The following PPARGC1A variants were observed in gnomAD, a reference collection of about 807,000 sequenced individuals.
PPARGC1A encodes peroxisome proliferator-activated receptor gamma coactivator 1-alpha.
A neutral mutation model predicts 88.7 loss-of-function variants in PPARGC1A; 25 were observed. The ratio of observed to expected loss-of-function variants is 0.28; its 90% CI spans 0.21 to 0.39. The LOEUF (loss-of-function observed/expected upper bound fraction) is 0.39, where lower values mean the gene tolerates loss of function less well. Among genes scored for constraint, PPARGC1A ranks in the 10% least tolerant of loss-of-function variants. The pLI is 1.00. For missense variants in PPARGC1A, 880 were observed against 968.7 expected (o/e 0.91, Z 1.22); for synonymous variants, 363 against 355.6 (o/e 1.02, Z -0.24).
chr4:23,924,570 C>T, the PPARGC1A span, among the ~76,000 whole-genome samples: 6 of 151,882 alleles, frequency 4.0e-5, no homozygotes, highest in South Asian at 8.3e-4. Context: ...TGCAGTAAGC[C>T]GAGATCACAC....
the PPARGC1A span, among the ~76,000 whole-genome samples, chr4:24,297,206 T>G: frequency 6.6e-6 from 1 of 152,154 alleles, no homozygotes; most frequent in Non-Finnish European, 1.5e-5. Flanking sequence ...TATACAGGCA[T>G]GAGGTAGGCA....
At chr4:24,272,935 T>C in the PPARGC1A span, among the ~76,000 whole-genome samples, 1 of 152,242 alleles carries the variant, frequency 6.6e-6, no homozygotes, top group East Asian at 1.9e-4. Flanking sequence ...ATTTAAAAAG[T>C]ATGCCAAATC....
the PPARGC1A span, among the ~76,000 whole-genome samples, chr4:24,173,514 T>C: frequency 6.6e-6 from 1 of 152,108 alleles, no homozygotes; most frequent in Admixed American, 6.6e-5. Context: ...CTGGGCAACC[T>C]AAGCAGACTC....
chr4:24,292,090 T>C, the PPARGC1A span, among the ~76,000 whole-genome samples: 1 of 152,086 alleles, frequency 6.6e-6, no homozygotes, highest in South Asian at 2.1e-4. Context: ...CAGGCTGAGA[T>C]GCTGTGGGAG....
chr4:24,133,929 C>T, the PPARGC1A span, among the ~76,000 whole-genome samples: 2 of 152,166 alleles, frequency 1.3e-5, no homozygotes, highest in Admixed American at 6.5e-5. Context: ...AGCAAAAGAA[C>T]ACTGGCCCTC....
upstream of PPARGC1A, among the ~76,000 whole-genome samples, chr4:23,905,888 G>A (rs548201045): frequency 6.6e-5 from 10 of 152,238 alleles, no homozygotes; most frequent in South Asian, 2.1e-4. Context: ...CCCAACAGTC[G>A]CATAACTTAG....
intron 2 of PPARGC1A, among the ~76,000 whole-genome samples, chr4:23,842,927 G>A (rs1727324574): frequency 6.6e-6 from 1 of 152,040 alleles, no homozygotes; most frequent in Admixed American, 6.6e-5. Context: ...GATCTTAATA[G>A]TTATTATTAA....
the PPARGC1A span, among the ~76,000 whole-genome samples, chr4:23,913,267 T>TATATATAG: frequency 1.3e-5 from 1 of 77,532 alleles, no homozygotes; most frequent in African/African-American, 5.6e-5. Flanking sequence ...TATATATATA[T>TATATATAG]AGAGAGAGAG....
At chr4:23,848,936 G>A (rs138932515) in intron 2 of PPARGC1A, among the ~76,000 whole-genome samples, 2,776 of 152,172 alleles carry the variant, frequency 0.018, 84 homozygotes, top group African/African-American at 0.062. Flanking sequence ...GAGGTCAGGA[G>A]ATCAAGACCA....
chr4:24,447,923 C>T, the PPARGC1A span, among the ~76,000 whole-genome samples: 1 of 152,172 alleles, frequency 6.6e-6, no homozygotes, highest in Admixed American at 6.5e-5. Context: ...TAACAAAACA[C>T]AGGTTTGCTT....
intron 7 of PPARGC1A, among the ~76,000 whole-genome samples, chr4:23,820,212 A>T (rs1363628407): frequency 6.6e-6 from 1 of 152,158 alleles, no homozygotes; most frequent in Non-Finnish European, 1.5e-5. Flanking sequence ...ACATCAAATC[A>T]CATGTCCCCT....
intron 2 of PPARGC1A, among the ~76,000 whole-genome samples, chr4:23,843,911 ATCATATTT>A (rs1256629749): frequency 6.6e-6 from 1 of 152,014 alleles, no homozygotes; most frequent in Non-Finnish European, 1.5e-5. Context: ...GCAGACCAAT[ATCATATTT>A]ACAGATACAT....
chr4:24,067,041 A>G, the PPARGC1A span, among the ~76,000 whole-genome samples: 1 of 151,978 alleles, frequency 6.6e-6, no homozygotes, highest in South Asian at 2.1e-4. Flanking sequence ...AGATTACTCC[A>G]AATGTCTTTG....
the PPARGC1A span, among the ~76,000 whole-genome samples, chr4:24,137,089 G>A: frequency 6.6e-5 from 10 of 150,550 alleles, 1 homozygote; most frequent in East Asian, 7.8e-4. Context: ...ACTCCAGCCC[G>A]GGTGACACAG....
chr4:24,208,677 A>AC, the PPARGC1A span, among the ~76,000 whole-genome samples: 1 of 139,408 alleles, frequency 7.2e-6, no homozygotes, highest in African/African-American at 2.6e-5. Flanking sequence ...CAAACTCAGA[A>AC]AAAAAATATA....
chr4:24,058,997 CTG>C, the PPARGC1A span, among the ~76,000 whole-genome samples: 6 of 152,194 alleles, frequency 3.9e-5, no homozygotes, highest in South Asian at 1.0e-3. Context: ...GAAAAAATGA[CTG>C]TGTTTTGTAT....
intron 10 of PPARGC1A, among the ~76,000 whole-genome samples, chr4:23,803,636 A>C (rs1348373310): frequency 3.9e-5 from 6 of 152,244 alleles, no homozygotes; most frequent in Non-Finnish European, 7.3e-5. Context: ...GATGTCTCTC[A>C]AAGTTTTAAG....
the PPARGC1A span, among the ~76,000 whole-genome samples, chr4:24,159,649 C>T: frequency 1.3e-5 from 2 of 152,178 alleles, no homozygotes; most frequent in African/African-American, 4.8e-5. Context: ...AGGTTTTGTA[C>T]ATAAAATGCA....
the PPARGC1A span, among the ~76,000 whole-genome samples, chr4:24,362,027 A>C: frequency 1.3e-5 from 2 of 152,240 alleles, no homozygotes; most frequent in Non-Finnish European, 2.9e-5. Flanking sequence ...TATCAAAATA[A>C]AACCTTAAGA....
Sources: allele counts gnomAD v4.1 joint callset (sites outside exome capture counted in the v4.1 genomes callset), GRCh38; gene constraint gnomAD v4.1.1; transcripts MANE v1.5; gene names NCBI Gene and HGNC (gene_info 2026-07-23, HGNC 2026-07-21).